The following USP9X variants were observed in gnomAD, a reference collection of about 807,000 sequenced individuals.
USP9X encodes the protein ubiquitin specific peptidase 9 X-linked.
In USP9X, 7 loss-of-function variants were observed where a neutral mutation model predicts 190.3. The ratio of observed to expected loss-of-function variants is 0.04; its 90% CI spans 0.02 to 0.07. USP9X has a LOEUF of 0.07. Ranked by LOEUF, USP9X falls within the 10% of genes least tolerant of loss-of-function variation. The pLI is 1.00. For synonymous variants in USP9X, 645 were observed against 659.5 expected (o/e 0.98, Z 0.34); for missense variants, 1,010 against 1,916.9 (o/e 0.53, Z 8.83).
In USP9X at chrX:41,229,021, G is replaced by T. The variant is rs562542004; in HGVS notation, c.7062-232G>T. 4.1e-5 allele frequency: 10 copies of T among 245,314 alleles called. No individual in the cohort carries two copies. In the South Asian group the frequency reaches 1.2e-3, roughly 29 times the overall value. The allele number at this position is 245,314 out of a possible 1,213,427, so 20.2% of individuals were successfully genotyped here. ...AGTTGGGCTGAGGCAGGAGAGAGGC[G>T]TGAACCTGGGAGGCAGGACTTGAAG... is the stretch of plus-strand genomic sequence containing the variant. On this transcript the variant is annotated intron_variant, in intron 41 of 44. Coordinates refer to ENST00000378308, the MANE Select transcript of USP9X (RefSeq NM_001039591.3).
chrX:41,205,566 A>G lies in USP9X; in HGVS notation c.5015+73A>G, dbSNP rs1409704033. The G allele has an allele frequency of 6.2e-6, 6 of 960,516 alleles. No individual in the cohort carries two copies. The East Asian group carries it at 2.1e-4, about 33-fold the overall frequency. The allele number at this position is 960,516 out of a possible 1,213,427, so 79.2% of individuals were successfully genotyped here. A position where few individuals can be genotyped will look rare whatever the true frequency, so the allele number is the denominator to read the frequency against. ...CTCAATACACTAACATTAAACCTCT[A>G]AAAGACATGTTGGAAGGCATCTTTT... is the stretch of plus-strand genomic sequence containing the variant. On this transcript the variant is annotated intron_variant, in intron 32 of 44. Transcript: ENST00000378308.
chrX:41,217,863 C>A (rs187000192), intron 36 of USP9X, among the ~76,000 whole-genome samples: 7 of 111,944 alleles, frequency 6.3e-5, no homozygotes, highest in African/African-American at 2.3e-4. Context: ...GCACTCCAGC[C>A]TGGGCAGCAG....
chrX:41,105,377 G>A (rs776027606), intron 1 of USP9X, among the ~76,000 whole-genome samples: 1 of 111,899 alleles, frequency 8.9e-6, no homozygotes, highest in African/African-American at 3.3e-5. Context: ...ACGACTCCAG[G>A]TACCTCATAA....
chrX:41,167,497 A>G lies in USP9X; in HGVS notation c.2344A>G (p.Asn782Asp). 8.3e-7 allele frequency: 1 copy of G among 1,206,323 alleles called. No individual in the cohort carries two copies. The highest frequency in any genetic ancestry group is 1.1e-6 in the Non-Finnish European group (1 of 891,813). ...TTGAAACCAGGTCGTGATTCAGAGTAATGATGATATTGCCAGCAGAGCTAT... is the reference window on the plus strand; with the variant it reads ...TTGAAACCAGGTCGTGATTCAGAGTGATGATGATATTGCCAGCAGAGCTAT... Reference protein sequence around the residue: ...DYLWRVVIQSNDDIASRAIDL... With the variant: ...DYLWRVVIQSDDDIASRAIDL... Residue 782 changes from asparagine (N) to aspartate (D), a missense_variant, in exon 17 of 45, where the codon AAT becomes GAT. This residue lies in a region of USP9X where 104 missense variants were observed against 239.8 expected (regional missense o/e 0.43). Coordinates refer to ENST00000378308, the MANE Select transcript of USP9X (RefSeq NM_001039591.3).
intron 32 of USP9X, among the ~76,000 whole-genome samples, chrX:41,206,383 T>C (rs2063096743): frequency 8.9e-6 from 1 of 112,400 alleles, no homozygotes; most frequent in Non-Finnish European, 1.9e-5. Context: ...TTTACTGATA[T>C]TTTTTAAAAA....
Position 41,158,379 on chromosome X carries a change from G to A in USP9X, c.1898-4411G>A, listed in dbSNP as rs185833127. On this transcript the variant is annotated intron_variant, in intron 14 of 44. Coordinates refer to ENST00000378308, the MANE Select transcript of USP9X (RefSeq NM_001039591.3). ...AAGGAAACCCCAATAAAAATTAACCGCTGACTTCTCATCAGAAACATTGAG... is the reference window on the plus strand; with the variant it reads ...AAGGAAACCCCAATAAAAATTAACCACTGACTTCTCATCAGAAACATTGAG... Among the ~76,000 whole-genome samples, 274 of 111,401 alleles carry A rather than the reference G, an allele frequency of 2.5e-3. 1 individual carries two copies. Among genetic ancestry groups the A allele is most frequent in the Non-Finnish European group, 3.4e-3 (182 of 53,053 alleles).
intron 1 of USP9X, among the ~76,000 whole-genome samples, chrX:41,110,841 G>A (rs2062103708): frequency 9.0e-6 from 1 of 111,582 alleles, no homozygotes; most frequent in Non-Finnish European, 1.9e-5. Context: ...AGGTTTTAGA[G>A]ATTGAAAGTG....
At chrX:41,211,282 C>T (rs775406826) in intron 33 of USP9X, among the ~76,000 whole-genome samples, 3 of 112,464 alleles carry the variant, frequency 2.7e-5, no homozygotes, top group East Asian at 2.8e-4. Context: ...TGAGCCACTG[C>T]GCCTGGCCTA....
At chrX:41,112,609 C>T (rs1391298240) in intron 1 of USP9X, among the ~76,000 whole-genome samples, 1 of 110,791 alleles carries the variant, frequency 9.0e-6, no homozygotes, top group Non-Finnish European at 1.9e-5. Context: ...GGAAAGGAGC[C>T]ACAGAGAACT....
intron 39 of USP9X, among the ~76,000 whole-genome samples, chrX:41,223,972 A>G (rs2063289372): frequency 9.0e-6 from 1 of 110,926 alleles, no homozygotes; most frequent in Non-Finnish European, 1.9e-5. Flanking sequence ...GGGGAGGCCA[A>G]GGCAGGAGAA....
At chrX:41,183,611 G>C (rs774565510) in intron 21 of USP9X, among the ~76,000 whole-genome samples, 2 of 111,502 alleles carry the variant, frequency 1.8e-5, no homozygotes, top group Admixed American at 1.9e-4. Flanking sequence ...TTAATATATA[G>C]TGTCAGGGGG....
intron 39 of USP9X, 36 bp from the exon 40 acceptor site, chrX:41,224,706 T>C (rs1320044424): frequency 1.9e-6 from 2 of 1,056,459 alleles, no homozygotes; most frequent in Admixed American, 4.8e-5. Flanking sequence ...TGAAGAAGCT[T>C]ATTAGTTTTT....
At chrX:41,195,075 T>C (rs1428157607) in intron 26 of USP9X, among the ~76,000 whole-genome samples, 4 of 106,356 alleles carry the variant, frequency 3.8e-5, no homozygotes, top group African/African-American at 1.4e-4. Context: ...TCTTGCTCTG[T>C]CACCAGGCTG....
intron 11 of USP9X, among the ~76,000 whole-genome samples, chrX:41,147,657 TAGCC>T (rs751163923): frequency 1.2e-4 from 13 of 111,031 alleles, no homozygotes; most frequent in Non-Finnish European, 2.1e-4. Flanking sequence ...TTCACCATGT[TAGCC>T]AGGCTGATCT....
In USP9X at chrX:41,197,464, A is replaced by G; in HGVS notation, c.4334A>G (p.Lys1445Arg). 1 of 1,210,440 alleles carries G rather than the reference A, an allele frequency of 8.3e-7. No homozygotes were observed. The highest frequency in any genetic ancestry group is 2.2e-5 in the Admixed American group (1 of 45,898). ...TTACTGGCCTTTCAAACTTCTGAGA[A>G]AAAATTTCATATTGGTTGTGAAAAA... Reference protein sequence around the residue: ...KELLAFQTSEKKFHIGCEKGG... With the variant: ...KELLAFQTSERKFHIGCEKGG... Residue 1445 changes from lysine (K) to arginine (R), a missense_variant, in exon 29 of 45, where the codon AAA becomes AGA. Physicochemically the swap from Lys to Arg is conservative, Grantham distance 26. Coordinates refer to ENST00000378308, the MANE Select transcript of USP9X (RefSeq NM_001039591.3).
At chrX:41,125,726 G>A (rs770829673) in intron 2 of USP9X, among the ~76,000 whole-genome samples, 154 of 85,800 alleles carry the variant, frequency 1.8e-3, no homozygotes, top group African/African-American at 6.9e-3. Context: ...TCTCGCGCAC[G>A]CGCGCGCGCT....
intron 3 of USP9X, among the ~76,000 whole-genome samples, chrX:41,130,932 G>C (rs751677809): frequency 4.6e-5 from 5 of 109,687 alleles, no homozygotes; most frequent in Non-Finnish European, 9.5e-5. Context: ...CACCATGTTG[G>C]CCAGGCTGGT....
chrX:41,215,907 C>A lies in USP9X; in HGVS notation c.5340C>A (p.Thr1780=). Residue 1780 remains threonine, a synonymous_variant, in exon 35 of 45, where the codon ACC becomes ACA. Coordinates refer to ENST00000378308, the MANE Select transcript of USP9X (RefSeq NM_001039591.3). ...HCEKCNKKVD[T]VKRLLIKKLP... is the part of the protein sequence containing the mutation. ...TGTCTTGTTTATTTTAGGTTGATAC[C>A]GTAAAGCGCTTGCTGATTAAAAAAT... 1.7e-5 allele frequency: 21 copies of A among 1,207,017 alleles called. No individual in the cohort carries two copies. The highest frequency in any genetic ancestry group is 2.2e-5 in the Non-Finnish European group (20 of 893,294).
At chrX:41,183,217 G>A (rs2062843743) in intron 21 of USP9X, among the ~76,000 whole-genome samples, 1 of 109,093 alleles carries the variant, frequency 9.2e-6, no homozygotes, top group African/African-American at 3.3e-5. Flanking sequence ...GGGATTACAG[G>A]CGTGAGCCAC....
Sources: allele counts gnomAD v4.1 joint callset (sites outside exome capture counted in the v4.1 genomes callset), GRCh38; gene constraint gnomAD v4.1.1; regional missense constraint gnomAD v4.1.1; transcripts MANE v1.5; gene names NCBI Gene and HGNC (gene_info 2026-07-23, HGNC 2026-07-21).